Variants in PAX8 observed in about 807,000 individuals in gnomAD.
The protein encoded by PAX8 is paired box protein Pax-8.
A neutral mutation model predicts 52.4 loss-of-function variants in PAX8; 15 were observed. The observed-to-expected ratio is 0.29, with a 90% CI of 0.19 to 0.44. The LOEUF (loss-of-function observed/expected upper bound fraction) is 0.44, where lower values mean the gene tolerates loss of function less well. Ranked by LOEUF, PAX8 falls within the 20% of genes least tolerant of loss-of-function variation. The probability of loss-of-function intolerance (pLI) is 1.00; values close to 1 mark genes in which losing one functional copy is unlikely to be tolerated. For missense variants in PAX8, 554 were observed against 602.5 expected, an observed-to-expected ratio of 0.92 and a Z score of 0.84; for synonymous variants, 284 against 249.7, an observed-to-expected ratio of 1.14 and a Z score of -1.29.
chr2:113,222,929 T>G (rs1382618007), intron 10 of PAX8, among the ~76,000 whole-genome samples: 5 of 151,964 alleles, frequency 3.3e-5, no homozygotes. Context: ...GTTTGCTTTG[T>G]AACTCAGTTG....
At chr2:113,250,853 C>T (rs1276252074) in intron 2 of PAX8, 2 of 152,192 alleles carry the variant, frequency 1.3e-5, no homozygotes, top group African/African-American at 4.8e-5. Context: ...TATGATAAGA[C>T]ACATTAGGAA....
chr2:113,233,977 G>A (rs919858758), intron 9 of PAX8, among the ~76,000 whole-genome samples: 22 of 152,194 alleles, frequency 1.4e-4, no homozygotes, highest in African/African-American at 3.6e-4. Flanking sequence ...CCCCACCCAC[G>A]CACTGGTCTC....
intron 2 of PAX8, chr2:113,267,091 C>T (rs1283465321): frequency 6.6e-6 from 1 of 152,252 alleles, no homozygotes; most frequent in Non-Finnish European, 1.5e-5. Context: ...CCTGAACTGC[C>T]TGGGGCTGAG....
intron 2 of PAX8, chr2:113,269,924 C>T (rs1238385054): frequency 6.6e-6 from 1 of 152,180 alleles, no homozygotes; most frequent in Non-Finnish European, 1.5e-5. Context: ...AACACACAGT[C>T]CACAGACAGC....
At chr2:113,245,005 T>C (rs1691192205) in intron 3 of PAX8, among the ~76,000 whole-genome samples, 1 of 151,984 alleles carries the variant, frequency 6.6e-6, no homozygotes, top group African/African-American at 2.4e-5. Flanking sequence ...GTTTGCTCTA[T>C]CCAGCTTCTT....
At chr2:113,236,867 TC>T in intron 7 of PAX8, 146 bp from the exon 8 acceptor site, 2 of 922,506 alleles carry the variant, frequency 2.2e-6, no homozygotes, top group Non-Finnish European at 3.1e-6. Context: ...CGTTCTCAAC[TC>T]CACTCGGCAC....
chr2:113,263,162 C>T (rs1003321992), intron 2 of PAX8: 2 of 152,208 alleles, frequency 1.3e-5, no homozygotes, highest in African/African-American at 4.8e-5. Flanking sequence ...TGGTGAAAAC[C>T]TGTTTCTCTT....
At chr2:113,241,478 C>T in intron 7 of PAX8, 73 bp downstream of exon 7, 1 of 1,440,508 alleles carries the variant, frequency 6.9e-7, no homozygotes, top group Non-Finnish European at 9.5e-7. Context: ...TGATGGAGCA[C>T]AGGCTCATTT....
chr2:113,276,091 C>G (rs956483544), intron 2 of PAX8: 1 of 152,160 alleles, frequency 6.6e-6, no homozygotes, highest in African/African-American at 2.4e-5. Context: ...CGGCCGGTCT[C>G]AGGAACAGAG....
chr2:113,278,341 C>T (rs756273696), intron 2 of PAX8, 29 bp downstream of exon 2: 4 of 1,530,952 alleles, frequency 2.6e-6, no homozygotes, highest in South Asian at 1.1e-5. Context: ...CGCGGGGGCT[C>T]GGGGATCCTG....
At chr2:113,257,921 A>G (rs1275815764) in intron 2 of PAX8, among the ~76,000 whole-genome samples, 1 of 152,194 alleles carries the variant, frequency 6.6e-6, no homozygotes, top group Non-Finnish European at 1.5e-5. Flanking sequence ...TGAGGAACAG[A>G]TTCGGCATGT....
At chr2:113,275,914 G>A (rs1021915950) in intron 2 of PAX8, 2 of 152,246 alleles carry the variant, frequency 1.3e-5, no homozygotes, top group African/African-American at 4.8e-5. Context: ...AGCCAACGAC[G>A]AGGCGACCCC....
At chr2:113,232,192 A>G (rs1389365851) in intron 9 of PAX8, among the ~76,000 whole-genome samples, 1 of 152,166 alleles carries the variant, frequency 6.6e-6, no homozygotes, top group African/African-American at 2.4e-5. Context: ...AGTCTTGACC[A>G]GAGGCCTCAG....
At chr2:113,235,797 A>G (rs1690242113) in intron 8 of PAX8, 1 of 556,544 alleles carries the variant, frequency 1.8e-6, no homozygotes, top group African/African-American at 1.9e-5. Flanking sequence ...TGCAGCGAAA[A>G]TGGAGAGACC....
intron 2 of PAX8, among the ~76,000 whole-genome samples, chr2:113,250,439 C>T (rs1691674469): frequency 6.6e-6 from 1 of 152,186 alleles, no homozygotes; most frequent in African/African-American, 2.4e-5. Context: ...TCTCAAACTT[C>T]AGTGTGCATC....
intron 9 of PAX8, among the ~76,000 whole-genome samples, chr2:113,227,643 T>A (rs1689662941): frequency 1.3e-5 from 2 of 152,240 alleles, no homozygotes; most frequent in Non-Finnish European, 2.9e-5. Context: ...CTGGCCTCCA[T>A]AAATACATTT....
intron 2 of PAX8, among the ~76,000 whole-genome samples, chr2:113,255,165 AAAG>A (rs770803147): frequency 0.025 from 2,525 of 102,702 alleles, 5 homozygotes; most frequent in South Asian, 0.048. Flanking sequence ...AGGAAGAAAA[AAAG>A]AAGGAAGGAG....
intron 10 of PAX8, among the ~76,000 whole-genome samples, chr2:113,223,427 C>G (rs578164503): frequency 6.6e-6 from 1 of 152,208 alleles, no homozygotes; most frequent in African/African-American, 2.4e-5. Context: ...CTGCAACTGT[C>G]CCCTAACTGG....
At position 113,242,141 on chromosome 2, in the gene PAX8, GGA is replaced by G; in HGVS notation, c.479-13_479-12del. Reference sequence around the variant, plus strand: ...CAGCTGAGCTGGGGACTGCAGTGGGGGAGAGGGAGAGGGTCAGGGGTGGGAGT... The same window carrying G: ...CAGCTGAGCTGGGGACTGCAGTGGGGGAGGGAGAGGGTCAGGGGTGGGAGT... On this transcript the variant is annotated splice_polypyrimidine_tract_variant and intron_variant, in intron 5 of 11. Coordinates refer to ENST00000429538, the MANE Select transcript of PAX8 (RefSeq NM_003466.4). The G allele has an allele frequency of 6.2e-7, 1 of 1,609,476 alleles. No individual in the cohort carries two copies. The highest frequency in any genetic ancestry group is 8.5e-7 in the Non-Finnish European group (1 of 1,176,614).
Sources: gnomAD v4.1 joint callset for allele counts (sites outside exome capture counted in the v4.1 genomes callset) on GRCh38, gnomAD v4.1.1 for gene constraint, MANE v1.5 for transcripts, NCBI Gene and HGNC (gene_info 2026-07-23, HGNC 2026-07-21) for gene names.